SLC9A2: variants seen among roughly 807,000 people sequenced by gnomAD.
The protein encoded by SLC9A2 is sodium/hydrogen exchanger 2.
A neutral mutation model predicts 71.7 loss-of-function variants in SLC9A2; 42 were observed. The ratio of observed to expected loss-of-function variants is 0.59; its 90% CI spans 0.46 to 0.76. The LOEUF (loss-of-function observed/expected upper bound fraction) is 0.76. Among genes scored for constraint, SLC9A2 ranks in the 30% least tolerant of loss-of-function variants. The pLI, the probability that SLC9A2 is intolerant of heterozygous loss-of-function variation, is 0.00. For missense variants in SLC9A2, 829 were observed against 1,017.4 expected, an observed-to-expected ratio of 0.81 and a Z score of 2.52; for synonymous variants, 396 against 392.5, an observed-to-expected ratio of 1.01 and a Z score of -0.10.
intron 7 of SLC9A2, 88 bp downstream of exon 7, chr2:102,695,201 G>A: frequency 1.1e-6 from 1 of 951,722 alleles, no homozygotes; most frequent in Non-Finnish European, 1.7e-6. Flanking sequence ...TTTTTAATTG[G>A]AAATCTTTCC....
At chr2:102,626,265 C>T (rs1393178558) in intron 1 of SLC9A2, among the ~76,000 whole-genome samples, 3 of 152,122 alleles carry the variant, frequency 2.0e-5, no homozygotes, top group East Asian at 3.9e-4. Flanking sequence ...AGAAATAATA[C>T]CACATATCTA....
At chr2:102,635,888 C>CTTTTTTTTTTTTTTTTTT (rs35453859) in intron 1 of SLC9A2, among the ~76,000 whole-genome samples, 1 of 145,036 alleles carries the variant, frequency 6.9e-6, no homozygotes, top group Non-Finnish European at 1.5e-5. Context: ...ATAATTTTTT[C>CTTTTTTTTTTTTTTTTTT]TTTTTTTTTT....
intron 5 of SLC9A2, among the ~76,000 whole-genome samples, chr2:102,693,344 A>G (rs1677699428): frequency 1.3e-5 from 2 of 152,186 alleles, no homozygotes; most frequent in Admixed American, 6.5e-5. Flanking sequence ...GTTGACTGGG[A>G]CATGCAGAAC....
chr2:102,708,168 T>C lies in SLC9A2; in HGVS notation c.2118T>C (p.Asn706=), dbSNP rs756914312. Residue 706 remains asparagine, a synonymous_variant, in exon 12 of 12, where the codon AAT becomes AAC. Transcript: ENST00000233969. ...CAGATGCCGGGACCACCGTGCTCAA[T>C]TTGCAGCCCAGAGCCAGGCGCTTCT... is the stretch of plus-strand genomic sequence containing the variant. ...SDADAGTTVL[N]LQPRARRFLP... 6.2e-7 allele frequency: 1 copy of C among 1,614,056 alleles called. No individual in the cohort carries two copies. The highest frequency in any genetic ancestry group is 1.7e-5 in the Admixed American group (1 of 60,020).
At position 102,694,449 on chromosome 2, in the gene SLC9A2, T is replaced by C. The variant is rs751391553; in HGVS notation, c.1461T>C (p.Asp487=). The C allele has an allele frequency of 1.4e-5, 22 of 1,536,476 alleles. No individual in the cohort carries two copies. Among genetic ancestry groups the C allele is most frequent in the Middle Eastern group, 1.7e-4 (1 of 5,732 alleles). ...ITIRPLVEFL[D]VKRSNKKQQA... is the part of the protein sequence containing the mutation. ...TTCGACCACTGGTGGAGTTTCTTGATGTCAAGAGGTCCAATAAGAAACAAC... is the reference window on the plus strand; with the variant it reads ...TTCGACCACTGGTGGAGTTTCTTGACGTCAAGAGGTCCAATAAGAAACAAC... The change falls in exon 6 of 12, where the codon GAT becomes GAC. Residue 487 remains aspartate, a synonymous_variant. Transcript: ENST00000233969.
intron 5 of SLC9A2, among the ~76,000 whole-genome samples, chr2:102,691,529 A>C (rs1677661847): frequency 1.3e-5 from 2 of 152,282 alleles, no homozygotes; most frequent in South Asian, 4.1e-4. Context: ...TGCAAAATAG[A>C]TGGATTGAAG....
In SLC9A2 at chr2:102,711,240, T is replaced by C. The variant is rs1678105614; in HGVS notation, c.*2751T>C. Reference sequence around the variant, plus strand: ...TTATGTTAAAAGTCACGTTTCATAATCTGCAATATTTTTGTCAAAGTGCAC... The same window carrying C: ...TTATGTTAAAAGTCACGTTTCATAACCTGCAATATTTTTGTCAAAGTGCAC... On this transcript the variant is annotated 3_prime_UTR_variant, in exon 12 of 12. Transcript: ENST00000233969. 6.6e-6 allele frequency: 1 copy of C among 152,362 alleles called. No individual in the cohort carries two copies. Among genetic ancestry groups the C allele is most frequent in the Non-Finnish European group, 1.5e-5 (1 of 68,034 alleles). 9.4% of individuals were successfully genotyped at this position (152,362 alleles called of 1,614,324 possible).
At position 102,619,803 on chromosome 2, in the gene SLC9A2, T is replaced by C. The variant is rs1676098717; in HGVS notation, c.-46T>C. Reference sequence around the variant, plus strand: ...AGCCCGGGCGCGATGCGTTGAGCGCTCGGAGGGCCAACCGCCGGTCCCCTT... The same window carrying C: ...AGCCCGGGCGCGATGCGTTGAGCGCCCGGAGGGCCAACCGCCGGTCCCCTT... On this transcript the variant is annotated 5_prime_UTR_variant, in exon 1 of 12. Coordinates refer to ENST00000233969, the MANE Select transcript of SLC9A2 (RefSeq NM_003048.6). This position sits in a 1 kb window ranked among gnomAD's most constrained non-coding sequence, Gnocchi z 4.3. 6.9e-7 allele frequency: 1 copy of C among 1,446,450 alleles called. No homozygotes were observed. Among genetic ancestry groups the C allele is most frequent in the East Asian group, 2.5e-5 (1 of 39,980 alleles). 89.6% of individuals were successfully genotyped at this position (1,446,450 alleles called of 1,614,324 possible).
chr2:102,690,308 A>T (rs1677633621), intron 5 of SLC9A2, among the ~76,000 whole-genome samples: 1 of 152,106 alleles, frequency 6.6e-6, no homozygotes, highest in Admixed American at 6.6e-5. Flanking sequence ...GGATGTAGTG[A>T]CGCCGTGATG....
intron 3 of SLC9A2, among the ~76,000 whole-genome samples, chr2:102,665,817 T>C: frequency 6.6e-6 from 1 of 150,644 alleles, no homozygotes; most frequent in East Asian, 1.9e-4. Context: ...TTCTTATGTT[T>C]TGTTACAAAG....
intron 1 of SLC9A2, among the ~76,000 whole-genome samples, chr2:102,647,286 CT>C (rs1676747242): frequency 6.6e-6 from 1 of 152,126 alleles, no homozygotes. Flanking sequence ...TAAATAAGTT[CT>C]TTGAAACCAA....
At chr2:102,680,404 A>G (rs960258547) in intron 3 of SLC9A2, among the ~76,000 whole-genome samples, 1 of 152,176 alleles carries the variant, frequency 6.6e-6, no homozygotes, top group Non-Finnish European at 1.5e-5. Flanking sequence ...CCAGTGATTT[A>G]TATCTGGGGG....
At chr2:102,668,981 C>A (rs1677194707) in intron 3 of SLC9A2, among the ~76,000 whole-genome samples, 1 of 152,124 alleles carries the variant, frequency 6.6e-6, no homozygotes, top group African/African-American at 2.4e-5. Flanking sequence ...TTCTGAGTAA[C>A]AGAAGATTTT....
chr2:102,629,635 C>T (rs988188834), intron 1 of SLC9A2, among the ~76,000 whole-genome samples: 5 of 152,064 alleles, frequency 3.3e-5, no homozygotes, highest in African/African-American at 1.2e-4. Context: ...CCTAATCTTT[C>T]TTTCTTGCCA....
At chr2:102,697,914 C>G (rs1022298635) in intron 7 of SLC9A2, among the ~76,000 whole-genome samples, 1 of 151,804 alleles carries the variant, frequency 6.6e-6, no homozygotes, top group South Asian at 2.1e-4. Flanking sequence ...AAGGGTGATA[C>G]AGTAGGGACC....
intron 7 of SLC9A2, among the ~76,000 whole-genome samples, chr2:102,696,183 C>A (rs556075103): frequency 2.0e-5 from 3 of 152,068 alleles, no homozygotes; most frequent in Admixed American, 2.0e-4. Flanking sequence ...TGAATCAGGG[C>A]TTATATCATG....
chr2:102,636,012 A>G (rs1676462326), intron 1 of SLC9A2, among the ~76,000 whole-genome samples: 1 of 151,534 alleles, frequency 6.6e-6, no homozygotes, highest in Non-Finnish European at 1.5e-5. Flanking sequence ...AATTGGCAAG[A>G]CTCTAGTCCT....
chr2:102,648,425 A>G (rs1440495492), intron 1 of SLC9A2, among the ~76,000 whole-genome samples: 1 of 152,208 alleles, frequency 6.6e-6, no homozygotes, highest in Non-Finnish European at 1.5e-5. Flanking sequence ...TCCCTTTGAA[A>G]ACCGGCACAA....
In SLC9A2 at chr2:102,711,246, A is replaced by G. The variant is rs149701404; in HGVS notation, c.*2757A>G. On this transcript the variant is annotated 3_prime_UTR_variant, in exon 12 of 12. Transcript: ENST00000233969. ...TAAAAGTCACGTTTCATAATCTGCA[A>G]TATTTTTGTCAAAGTGCACACTGTA... 1.3e-5 allele frequency: 2 copies of G among 152,440 alleles called. No individual in the cohort carries two copies. Among genetic ancestry groups the G allele is most frequent in the African/African-American group, 4.8e-5 (2 of 41,576 alleles). The allele number at this position is 152,440 out of a possible 1,614,324, so 9.4% of individuals were successfully genotyped here. A position where few individuals can be genotyped will look rare whatever the true frequency, so the allele number is the denominator to read the frequency against.
Sources: gnomAD v4.1 joint callset for allele counts (sites outside exome capture counted in the v4.1 genomes callset) on GRCh38, gnomAD v4.1.1 for gene constraint, Gnocchi (gnomAD v3.1) non-coding constraint, MANE v1.5 for transcripts, NCBI Gene and HGNC (gene_info 2026-07-23, HGNC 2026-07-21) for gene names.